The following SYNE2 variants were observed in gnomAD, a reference collection of about 807,000 sequenced individuals.
SYNE2 encodes nesprin-2.
A neutral mutation model predicts 856.3 loss-of-function variants in SYNE2; 431 were observed. The observed-to-expected ratio is 0.50, with a 90% CI of 0.47 to 0.55. SYNE2 has a LOEUF of 0.55. SYNE2 is among the 20% of genes least tolerant of loss of function. The pLI is 0.00. For synonymous variants in SYNE2, 2,923 were observed against 2,872.3 expected, an observed-to-expected ratio of 1.02 and a Z score of -0.56; for missense variants, 8,129 against 8,023.2, an observed-to-expected ratio of 1.01 and a Z score of -0.50.
rs771179806 is a variant in SYNE2, at chr14:64,216,404, C to T, written c.19542+17C>T. On this transcript the variant is annotated intron_variant, in intron 108 of 115. Coordinates refer to ENST00000555002, the MANE Select transcript of SYNE2 (RefSeq NM_182914.3). ...CCACCCTATGTAAGTCTTAACTTCA[C>T]TGGGAGTACAGCCTATGTCTGTGAG... The T allele has an allele frequency of 6.2e-7, 1 of 1,613,402 alleles. No homozygotes were observed. Among genetic ancestry groups the T allele is most frequent in the East Asian group, 2.2e-5 (1 of 44,890 alleles).
chr14:64,031,287 C>G lies in SYNE2; in HGVS notation c.7151C>G (p.Ser2384Cys), dbSNP rs759415502. The G allele has an allele frequency of 6.2e-7, 1 of 1,614,134 alleles. No individual in the cohort carries two copies. Among genetic ancestry groups the G allele is most frequent in the Non-Finnish European group, 8.5e-7 (1 of 1,180,024 alleles). The change falls in exon 45 of 116, where the codon TCT becomes TGT. Residue 2384 changes from serine to cysteine, a missense_variant. Physicochemically the swap from Ser to Cys is moderately radical, Grantham distance 112. Around this residue, in one of 3 missense-constraint regions of SYNE2, gnomAD observed 297 missense variants for 380.9 expected, o/e 0.78. Transcript: ENST00000555002. ...TLPGREKQATSDVQESTQESA... is the reference protein window; with the variant it reads ...TLPGREKQATCDVQESTQESA... Reference sequence around the variant, plus strand: ...CCAGGCAGAGAGAAGCAGGCCACTTCTGATGTGCAGGAGTCTACTCAGGAA... The same window carrying G: ...CCAGGCAGAGAGAAGCAGGCCACTTGTGATGTGCAGGAGTCTACTCAGGAA...
chr14:64,094,480 A>T (rs968590320), intron 61 of SYNE2, among the ~76,000 whole-genome samples: 1 of 152,250 alleles, frequency 6.6e-6, no homozygotes, highest in African/African-American at 2.4e-5. Context: ...AACAACAAAA[A>T]AACGTGATTG....
intron 39 of SYNE2, 83 bp downstream of exon 39, chr14:64,024,542 G>A (rs2096962684): frequency 1.5e-6 from 2 of 1,304,370 alleles, no homozygotes; most frequent in Admixed American, 1.8e-5. Context: ...GAGAGCACTG[G>A]GATACGCAGT....
intron 47 of SYNE2, among the ~76,000 whole-genome samples, chr14:64,050,890 A>C (rs765827894): frequency 6.6e-6 from 1 of 151,958 alleles, no homozygotes; most frequent in Non-Finnish European, 1.5e-5. Context: ...GCATCATGGC[A>C]TACGTCTGTT....
At chr14:63,870,915 C>G (rs1374284839) in intron 1 of SYNE2, among the ~76,000 whole-genome samples, 1 of 152,220 alleles carries the variant, frequency 6.6e-6, no homozygotes, top group Middle Eastern at 3.2e-3. Flanking sequence ...GGGGCATAAA[C>G]AGGCAGACTC....
chr14:64,225,506 A>G lies in SYNE2; in HGVS notation c.20704A>G (p.Asn6902Asp). The G allele has an allele frequency of 6.2e-7, 1 of 1,614,096 alleles. No individual in the cohort carries two copies. The highest frequency in any genetic ancestry group is 8.5e-7 in the Non-Finnish European group (1 of 1,179,992). Reference protein sequence around the residue: ...RSFYPMLRYTNGPPPT With the variant: ...RSFYPMLRYTDGPPPT ...CTTTTACCCCATGCTGAGGTACACC[A>G]ATGGGCCACCCCCCACATAGAGGGC... The change falls in exon 116 of 116, where the codon AAT (asparagine) becomes GAT (aspartate). Residue 6902 changes from asparagine (N) to aspartate (D), a missense_variant. Around this residue, in one of 3 missense-constraint regions of SYNE2, gnomAD observed 5,410 missense variants for 5,284.8 expected, o/e 1.02. Transcript: ENST00000555002.
intron 41 of SYNE2, among the ~76,000 whole-genome samples, chr14:64,026,063 A>G (rs2096975836): frequency 6.6e-6 from 1 of 152,214 alleles, no homozygotes; most frequent in South Asian, 2.1e-4. Context: ...GCCAAAAATC[A>G]TGAGCTCTTA....
rs367620089 is a variant in SYNE2, at chr14:64,031,124, G to T, written c.6988G>T (p.Asp2330Tyr). 1 of 1,614,094 alleles carries T rather than the reference G, an allele frequency of 6.2e-7. No homozygotes were observed. The highest frequency in any genetic ancestry group is 8.5e-7 in the Non-Finnish European group (1 of 1,179,980). ...TTCAGTGGGGCAGAAGATTATTAAAGATGATATAAAATCACTTCAGTGTAA... is the reference window on the plus strand; with the variant it reads ...TTCAGTGGGGCAGAAGATTATTAAATATGATATAAAATCACTTCAGTGTAA... ...TSSVGQKIIK[D>Y]DIKSLQCKQK... The change falls in exon 45 of 116, where the codon GAT (aspartate) becomes TAT (tyrosine). Residue 2330 changes from aspartate (D) to tyrosine (Y), a missense_variant. Physicochemically the swap from Asp to Tyr is radical, Grantham distance 160 (BLOSUM62 -3). Around this residue, in one of 3 missense-constraint regions of SYNE2, gnomAD observed 297 missense variants for 380.9 expected, o/e 0.78. Transcript: ENST00000555002.
chr14:63,858,566 G>C (rs895553730), intron 1 of SYNE2, among the ~76,000 whole-genome samples: 5 of 151,948 alleles, frequency 3.3e-5, no homozygotes, highest in Non-Finnish European at 1.5e-5. Flanking sequence ...CCAGGTGCGT[G>C]CCACCACTCT....
rs749361983 is a variant in SYNE2, at chr14:64,097,944, C to T, written c.12109-5C>T. Reference sequence around the variant, plus strand: ...CAAACCTATGCAAACACTCTTTCTACACAGGGAGAAATCGAACGTATGGAG... The same window carrying T: ...CAAACCTATGCAAACACTCTTTCTATACAGGGAGAAATCGAACGTATGGAG... On this transcript the variant is annotated splice_region_variant and splice_polypyrimidine_tract_variant and intron_variant, in intron 61 of 115. Coordinates refer to ENST00000555002, the MANE Select transcript of SYNE2 (RefSeq NM_182914.3). 3.8e-5 allele frequency: 61 copies of T among 1,614,106 alleles called. 2 individuals carry two copies. The South Asian group carries it at 6.6e-4, about 17-fold the overall frequency.
At chr14:64,041,862 A>T (rs200534777) in intron 45 of SYNE2, among the ~76,000 whole-genome samples, 3 of 143,770 alleles carry the variant, frequency 2.1e-5, no homozygotes, top group African/African-American at 7.7e-5. Context: ...AAAAAAAAAA[A>T]GAAAAAAGAA....
At chr14:63,953,084 G>A (rs1039916581) in intron 7 of SYNE2, among the ~76,000 whole-genome samples, 10 of 152,188 alleles carry the variant, frequency 6.6e-5, no homozygotes, top group African/African-American at 2.2e-4. Context: ...GTCTACAGTG[G>A]TGAACAAGAA....
At chr14:64,082,604 C>T (rs1452563571) in intron 57 of SYNE2, among the ~76,000 whole-genome samples, 1 of 152,152 alleles carries the variant, frequency 6.6e-6, no homozygotes, top group Non-Finnish European at 1.5e-5. Context: ...TTGCCAACAA[C>T]CTGAATGATC....
At chr14:64,083,667 G>A (rs1166991308) in intron 57 of SYNE2, among the ~76,000 whole-genome samples, 1 of 152,156 alleles carries the variant, frequency 6.6e-6, no homozygotes, top group Non-Finnish European at 1.5e-5. Flanking sequence ...ATCCTCATTT[G>A]TGCAATAATC....
chr14:63,915,505 T>C (rs2095523555), intron 2 of SYNE2, among the ~76,000 whole-genome samples: 1 of 152,168 alleles, frequency 6.6e-6, no homozygotes, highest in South Asian at 2.1e-4. Flanking sequence ...CAGAATATTA[T>C]CATTAATTAG....
upstream of SYNE2, among the ~76,000 whole-genome samples, chr14:63,849,897 A>G (rs775274165): frequency 6.6e-6 from 1 of 152,098 alleles, no homozygotes; most frequent in African/African-American, 2.4e-5. Context: ...GTTCTCACCC[A>G]TGTGTCACAG....
At chr14:63,779,489 A>G (rs2139731863) in intron 1 of SYNE2, among the ~76,000 whole-genome samples, 2 of 150,614 alleles carry the variant, frequency 1.3e-5, no homozygotes, top group African/African-American at 4.8e-5. Flanking sequence ...CAAAAACCTC[A>G]GAGCTAACCT....
chr14:63,988,713 G>C (rs937435323), intron 19 of SYNE2, among the ~76,000 whole-genome samples: 2 of 152,208 alleles, frequency 1.3e-5, no homozygotes, highest in Admixed American at 6.5e-5. Flanking sequence ...GTGTGGGAAG[G>C]CCTCACAATC....
intron 105 of SYNE2, 139 bp from the exon 106 acceptor site, chr14:64,214,055 C>T: frequency 8.4e-6 from 11 of 1,310,764 alleles, no homozygotes; most frequent in Non-Finnish European, 1.0e-5. Flanking sequence ...GACCTGGGAA[C>T]CTGATCTTTT....
Sources: gnomAD v4.1 joint callset for allele counts (sites outside exome capture counted in the v4.1 genomes callset) on GRCh38, gnomAD v4.1.1 for gene constraint, gnomAD v4.1.1 regional missense constraint, MANE v1.5 for transcripts, NCBI Gene and HGNC (gene_info 2026-07-23, HGNC 2026-07-21) for gene names.